Variants in SIK3 observed in about 807,000 individuals in gnomAD.
The protein encoded by SIK3 is SIK family kinase 3.
Under a neutral mutation model 144.2 loss-of-function variants are expected in SIK3, and 28 were observed. The observed-to-expected ratio is 0.19, with a 90% confidence interval of 0.14 to 0.27. The LOEUF (loss-of-function observed/expected upper bound fraction) is 0.27, where lower values mean the gene tolerates loss of function less well. Among genes scored for constraint, SIK3 ranks in the 10% least tolerant of loss-of-function variants. SIK3 has a pLI of 1.00. For missense variants in SIK3, 1,319 were observed against 1,776.0 expected (o/e 0.74, Z 4.62); for synonymous variants, 686 against 676.3 (o/e 1.01, Z -0.22).
Position 117,093,970 on chromosome 11 carries a change from G to T in SIK3, c.273+4173C>A, listed in dbSNP as rs140027428. On this transcript the variant is annotated intron_variant, in intron 1 of 24. Coordinates refer to ENST00000445177, the MANE Select transcript of SIK3 (RefSeq NM_001366686.3). The stretch of plus-strand genomic sequence containing the variant: ...TAAAACATCTGATAACGATGATGAT[G>T]ATGGTAATATTTACGTCATGCTATT... 4.1e-3 allele frequency among the ~76,000 whole-genome samples: 631 copies of T among 152,236 alleles called. 7 individuals carry two copies. The highest frequency in any genetic ancestry group is 6.8e-3 in the Middle Eastern group (2 of 294).
At chr11:116,956,451 T>C (rs974156600) in intron 2 of SIK3, among the ~76,000 whole-genome samples, 1 of 152,102 alleles carries the variant, frequency 6.6e-6, no homozygotes, top group African/African-American at 2.4e-5. Flanking sequence ...TACAATCCTA[T>C]TAGAATAGAA....
chr11:116,995,596 A>G (rs1260933777), intron 1 of SIK3, among the ~76,000 whole-genome samples: 1 of 152,070 alleles, frequency 6.6e-6, no homozygotes, highest in Non-Finnish European at 1.5e-5. Context: ...GATCTTATCT[A>G]CTATTCTAGA....
At chr11:116,950,199 C>T (rs1202244587) in intron 3 of SIK3, 1 of 469,652 alleles carries the variant, frequency 2.1e-6, no homozygotes, top group Admixed American at 2.4e-5. Flanking sequence ...TGCACTTCTC[C>T]AGGACTCAGC....
chr11:116,863,930 C>T, intron 15 of SIK3, 112 bp from the exon 16 acceptor site: 1 of 1,141,380 alleles, frequency 8.8e-7, no homozygotes, highest in Non-Finnish European at 1.2e-6. Flanking sequence ...CCAGGTAGCC[C>T]TGCATATTAT....
intron 3 of SIK3, among the ~76,000 whole-genome samples, chr11:116,928,179 T>C (rs1476842892): frequency 1.3e-5 from 2 of 152,208 alleles, no homozygotes; most frequent in Admixed American, 1.3e-4. Flanking sequence ...TATTCAAAAA[T>C]GATTTGATGG....
At chr11:116,989,626 G>A (rs906301574) in intron 1 of SIK3, among the ~76,000 whole-genome samples, 6 of 151,678 alleles carry the variant, frequency 4.0e-5, no homozygotes, top group African/African-American at 1.5e-4. Flanking sequence ...AAGTAAAGAA[G>A]GGATTGGAAA....
Position 116,957,034 on chromosome 11 carries a change from G to C in SIK3, c.304C>G (p.Leu102Val), listed in dbSNP as rs750335192. The C allele has an allele frequency of 6.2e-7, 1 of 1,609,682 alleles. No individual in the cohort carries two copies. The highest frequency in any genetic ancestry group is 8.5e-7 in the Non-Finnish European group (1 of 1,178,730). ...VAIKIIDKTQ[L>V]DEENLKKIFR... is the part of the protein sequence containing the mutation. ...ATCTTCTTCAAGTTTTCTTCATCCAGCTGGGTCTTATCTATGATCTTGATA... is the reference window on the plus strand; with the variant it reads ...ATCTTCTTCAAGTTTTCTTCATCCACCTGGGTCTTATCTATGATCTTGATA... The change falls in exon 2 of 25, where the codon CTG becomes GTG. Residue 102 changes from leucine (L) to valine (V), a missense_variant. Coordinates refer to ENST00000445177, the MANE Select transcript of SIK3 (RefSeq NM_001366686.3).
intron 3 of SIK3, among the ~76,000 whole-genome samples, chr11:116,938,474 GA>G (rs1948070630): frequency 4.4e-5 from 2 of 45,564 alleles, no homozygotes; most frequent in African/African-American, 9.2e-5. Flanking sequence ...GAGAGGAGAG[GA>G]GAGGAGAGGA....
chr11:117,006,679 A>G (rs1951061814), intron 1 of SIK3, among the ~76,000 whole-genome samples: 2 of 152,124 alleles, frequency 1.3e-5, no homozygotes. Context: ...AGATCTTCAC[A>G]AACAATTTTA....
At chr11:116,950,067 G>C (rs996582882) in intron 3 of SIK3, 1 of 468,712 alleles carries the variant, frequency 2.1e-6, no homozygotes, top group African/African-American at 2.0e-5. Flanking sequence ...AGCAGCAAAA[G>C]ACAGTGAAAC....
rs1591440928 is a variant in SIK3 at position 116,875,829 on chromosome 11, A to C, written c.1239+37T>G. 3.8e-6 allele frequency: 6 copies of C among 1,570,614 alleles called. No homozygotes were observed. In the East Asian group the frequency reaches 1.3e-4, roughly 35 times the overall value. On this transcript the variant is annotated intron_variant, in intron 9 of 24. Coordinates refer to ENST00000445177, the MANE Select transcript of SIK3 (RefSeq NM_001366686.3). ...AGCTAACCTTTACCCCCCTGGTGTT[A>C]CTTGTCCTGAACTAGGTCACTGGAG...
At chr11:116,897,727 C>T (rs928773630) in intron 4 of SIK3, among the ~76,000 whole-genome samples, 11 of 152,144 alleles carry the variant, frequency 7.2e-5, no homozygotes, top group African/African-American at 2.4e-4. Context: ...CACCAACATA[C>T]AAAAAATTAG....
intron 4 of SIK3, among the ~76,000 whole-genome samples, chr11:116,904,001 T>C (rs1017318936): frequency 2.0e-5 from 3 of 152,346 alleles, no homozygotes; most frequent in Middle Eastern, 3.4e-3. Flanking sequence ...ACAATATCTT[T>C]CATTATTTAC....
At chr11:116,946,854 G>A (rs577846867) in intron 3 of SIK3, among the ~76,000 whole-genome samples, 3 of 152,098 alleles carry the variant, frequency 2.0e-5, no homozygotes, top group South Asian at 4.1e-4. Flanking sequence ...GTTGGCTCAC[G>A]CCTGTAATCC....
chr11:116,996,070 G>A (rs1950654451), intron 1 of SIK3, among the ~76,000 whole-genome samples: 1 of 152,156 alleles, frequency 6.6e-6, no homozygotes, highest in Admixed American at 6.5e-5. Flanking sequence ...CACTTTGGGA[G>A]GCCAAGGCAG....
intron 4 of SIK3, among the ~76,000 whole-genome samples, chr11:116,900,864 T>A (rs1207059987): frequency 1.4e-5 from 2 of 146,314 alleles, no homozygotes; most frequent in African/African-American, 5.4e-5. Context: ...ATATATTATT[T>A]ATTTTTTTTT....
intron 1 of SIK3, among the ~76,000 whole-genome samples, chr11:116,985,803 A>G (rs551920714): frequency 6.6e-6 from 1 of 152,372 alleles, no homozygotes; most frequent in East Asian, 1.9e-4. Context: ...GATTAGAAGT[A>G]CAACTAATAA....
chr11:117,048,442 C>A (rs1555140994), intron 1 of SIK3, among the ~76,000 whole-genome samples: 8 of 151,776 alleles, frequency 5.3e-5, no homozygotes, highest in Non-Finnish European at 1.5e-5. Flanking sequence ...CGATCACCTG[C>A]GGTTGGGAGT....
chr11:117,008,154 A>G (rs1951123485), intron 1 of SIK3, among the ~76,000 whole-genome samples: 1 of 151,928 alleles, frequency 6.6e-6, no homozygotes, highest in South Asian at 2.1e-4. Context: ...AAAAAGCCTA[A>G]AATTAACCAT....
Sources: allele counts gnomAD v4.1 joint callset (sites outside exome capture counted in the v4.1 genomes callset), GRCh38; gene constraint gnomAD v4.1.1; transcripts MANE v1.5; gene names NCBI Gene and HGNC (gene_info 2026-07-23, HGNC 2026-07-21).